The following KMO variants were observed in gnomAD, a reference collection of about 807,000 sequenced individuals.
KMO encodes the protein kynurenine 3-monooxygenase.
KMO carries 24 observed loss-of-function variants against 57.8 expected under a neutral mutation model. The ratio of observed to expected loss-of-function variants is 0.42; its 90% CI spans 0.30 to 0.58. The LOEUF (loss-of-function observed/expected upper bound fraction) is 0.58. Ranked by LOEUF, KMO falls within the 20% of genes least tolerant of loss-of-function variation. The probability of loss-of-function intolerance (pLI) is 0.22; values close to 1 mark genes in which losing one functional copy is unlikely to be tolerated. For synonymous variants in KMO, 210 were observed against 193.6 expected (o/e 1.08, Z -0.70); for missense variants, 483 against 588.2 (o/e 0.82, Z 1.85).
intron 8 of KMO, among the ~76,000 whole-genome samples, chr1:241,566,244 G>C (rs1345513775): frequency 6.6e-6 from 1 of 152,134 alleles, no homozygotes; most frequent in Non-Finnish European, 1.5e-5. Context: ...TTTGCTGTGT[G>C]AAAATGGAGA....
intron 1 of KMO, among the ~76,000 whole-genome samples, chr1:241,543,838 T>C (rs912523906): frequency 6.6e-6 from 1 of 152,198 alleles, no homozygotes; most frequent in Admixed American, 6.6e-5. Flanking sequence ...ACATGTTCAG[T>C]TGGCAAACAC....
At chr1:241,577,873 G>T (rs1315470397) in intron 10 of KMO, among the ~76,000 whole-genome samples, 2 of 152,134 alleles carry the variant, frequency 1.3e-5, no homozygotes, top group Non-Finnish European at 2.9e-5. Context: ...AGTCTTTTCA[G>T]GGGAAACGGT....
At chr1:241,552,703 G>A (rs1446235934) in intron 4 of KMO, among the ~76,000 whole-genome samples, 5 of 152,200 alleles carry the variant, frequency 3.3e-5, no homozygotes, top group African/African-American at 1.2e-4. Flanking sequence ...AGACCTCGTT[G>A]TGGATGGCAC....
At chr1:241,538,717 G>A (rs914229161) in intron 1 of KMO, among the ~76,000 whole-genome samples, 1 of 152,100 alleles carries the variant, frequency 6.6e-6, no homozygotes, top group Non-Finnish European at 1.5e-5. Context: ...TAAAAACAGA[G>A]GTGGAATGGA....
chr1:241,592,230 A>T lies in KMO; in HGVS notation c.*77A>T. On this transcript the variant is annotated 3_prime_UTR_variant, in exon 15 of 15. Coordinates refer to ENST00000366559, the MANE Select transcript of KMO (RefSeq NM_003679.5). ...GCATGAAAAAAATGTTTCCATTGCC[A>T]TATTTGATTCACTAGTGGAAGATAG... is the stretch of plus-strand genomic sequence containing the variant. The T allele has an allele frequency of 7.6e-6, 8 of 1,052,066 alleles. 1 individual carries two copies. In the South Asian group the frequency reaches 1.1e-4, roughly 15 times the overall value. The allele number at this position is 1,052,066 out of a possible 1,614,324, so 65.2% of individuals were successfully genotyped here. A position where few individuals can be genotyped will look rare whatever the true frequency, so the allele number is the denominator to read the frequency against.
At chr1:241,547,862 C>G (rs1661206520) in intron 1 of KMO, among the ~76,000 whole-genome samples, 1 of 152,030 alleles carries the variant, frequency 6.6e-6, no homozygotes. Flanking sequence ...ATATATGTAC[C>G]AGAATTCCTG....
Position 241,586,664 on chromosome 1 carries a change from T to A in KMO, c.958-15T>A. 1.3e-6 allele frequency: 2 copies of A among 1,550,888 alleles called. No individual in the cohort carries two copies. Among genetic ancestry groups the A allele is most frequent in the South Asian group, 1.2e-5 (1 of 84,496 alleles). On this transcript the variant is annotated splice_polypyrimidine_tract_variant and intron_variant, in intron 10 of 14. Coordinates refer to ENST00000366559, the MANE Select transcript of KMO (RefSeq NM_003679.5). ...ATTTCTAGTTTCTTATTTCTCTTTT[T>A]TTTTCTTGTTTCAGGGCTTTGAAGA...
intron 6 of KMO, 56 bp from the exon 7 acceptor site, chr1:241,562,111 C>T (rs1661865890): frequency 6.8e-7 from 1 of 1,475,326 alleles, no homozygotes; most frequent in Non-Finnish European, 9.4e-7. Flanking sequence ...AGAGGTACAT[C>T]ATCATTTTCA....
chr1:241,549,266 A>AAAGGAAGAAAGTCGGAAAGAAAGAAAGG (rs1661297647), intron 2 of KMO, among the ~76,000 whole-genome samples: 1 of 117,556 alleles, frequency 8.5e-6, no homozygotes, highest in Non-Finnish European at 1.8e-5. Flanking sequence ...AGAAAGAAAG[A>AAAGGAAGAAAGTCGGAAAGAAAGAAAGG]AAGGAAGGAA....
chr1:241,567,282 C>T (rs1252359585), intron 9 of KMO, among the ~76,000 whole-genome samples: 1 of 152,194 alleles, frequency 6.6e-6, no homozygotes, highest in Non-Finnish European at 1.5e-5. Flanking sequence ...GTTCTAAAGG[C>T]TGAGAAGTGT....
intron 10 of KMO, among the ~76,000 whole-genome samples, chr1:241,572,844 T>G (rs892791156): frequency 6.6e-6 from 1 of 152,164 alleles, no homozygotes; most frequent in African/African-American, 2.4e-5. Flanking sequence ...TCTGCGTTTC[T>G]GTACTCATAA....
intron 10 of KMO, among the ~76,000 whole-genome samples, chr1:241,577,044 C>A (rs969488075): frequency 1.3e-5 from 2 of 152,072 alleles, no homozygotes; most frequent in Admixed American, 6.6e-5. Flanking sequence ...TGTTCCACTG[C>A]ATTTTGTAAT....
chr1:241,562,083 C>G (rs991891743), intron 6 of KMO, 84 bp from the exon 7 acceptor site: 1 of 1,117,190 alleles, frequency 9.0e-7, no homozygotes, highest in Non-Finnish European at 1.3e-6. Flanking sequence ...ATCTATGGAG[C>G]CACTACTTCT....
At chr1:241,572,086 C>T (rs1422098600) in intron 10 of KMO, among the ~76,000 whole-genome samples, 1 of 151,988 alleles carries the variant, frequency 6.6e-6, no homozygotes, top group African/African-American at 2.4e-5. Flanking sequence ...AGGATGGTCT[C>T]GATCACTTGA....
At chr1:241,551,697 G>A (rs1040122878) in intron 4 of KMO, among the ~76,000 whole-genome samples, 5 of 152,112 alleles carry the variant, frequency 3.3e-5, no homozygotes, top group African/African-American at 1.2e-4. Flanking sequence ...AACATCCATC[G>A]ACAACAGAAA....
chr1:241,550,266 G>A (rs1333232917), intron 3 of KMO, among the ~76,000 whole-genome samples: 1 of 152,128 alleles, frequency 6.6e-6, no homozygotes, highest in Non-Finnish European at 1.5e-5. Context: ...TTTTGTGTTT[G>A]ATTATGGGGC....
intron 3 of KMO, 101 bp downstream of exon 3, chr1:241,549,875 G>A (rs1462722663): frequency 1.3e-6 from 1 of 762,278 alleles, no homozygotes; most frequent in Non-Finnish European, 2.1e-6. Context: ...TTAATACCAA[G>A]AATCTCTGCA....
intron 1 of KMO, among the ~76,000 whole-genome samples, chr1:241,543,854 C>A (rs955921112): frequency 6.6e-6 from 1 of 152,152 alleles, no homozygotes; most frequent in Admixed American, 6.5e-5. Flanking sequence ...AACACGTAAG[C>A]GTTGGAAAGG....
At chr1:241,577,836 G>A (rs1462367811) in intron 10 of KMO, among the ~76,000 whole-genome samples, 2 of 152,220 alleles carry the variant, frequency 1.3e-5, no homozygotes, top group Non-Finnish European at 1.5e-5. Context: ...AGAGGTGGTT[G>A]GGGGAGCTCT....
Sources: allele counts gnomAD v4.1 joint callset (sites outside exome capture counted in the v4.1 genomes callset), GRCh38; gene constraint gnomAD v4.1.1; transcripts MANE v1.5; gene names NCBI Gene and HGNC (gene_info 2026-07-23, HGNC 2026-07-21).